ANO2: variants seen among roughly 807,000 people sequenced by gnomAD.
ANO2 encodes anoctamin-2.
A neutral mutation model predicts 124.2 loss-of-function variants in ANO2; 101 were observed. The ratio of observed to expected loss-of-function variants is 0.81; its 90% CI spans 0.69 to 0.96. The LOEUF is 0.96. Ranked by LOEUF, ANO2 falls within the 40% of genes least tolerant of loss-of-function variation. The pLI, the probability that ANO2 is intolerant of heterozygous loss-of-function variation, is 0.00. For synonymous variants in ANO2, 486 were observed against 482.5 expected (o/e 1.01, Z -0.09); for missense variants, 1,293 against 1,274.5 (o/e 1.01, Z -0.22).
intron 19 of ANO2, among the ~76,000 whole-genome samples, chr12:5,612,164 C>A (rs918242910): frequency 9.9e-5 from 15 of 152,162 alleles, no homozygotes; most frequent in African/African-American, 3.4e-4. Context: ...ATGACATTTT[C>A]ATAAAACCCT....
intron 1 of ANO2, among the ~76,000 whole-genome samples, chr12:5,937,595 C>T (rs1184868489): frequency 6.6e-6 from 1 of 151,924 alleles, no homozygotes; most frequent in African/African-American, 2.4e-5. Flanking sequence ...TTATGGTATA[C>T]TGGACATTGT....
At chr12:5,840,258 G>A (rs907737335) in intron 4 of ANO2, among the ~76,000 whole-genome samples, 1 of 151,954 alleles carries the variant, frequency 6.6e-6, no homozygotes, top group African/African-American at 2.4e-5. Context: ...TTATTCCAGG[G>A]CTCAAATGTG....
intron 14 of ANO2, among the ~76,000 whole-genome samples, chr12:5,656,431 G>A (rs945978293): frequency 6.6e-6 from 1 of 152,072 alleles, no homozygotes; most frequent in Admixed American, 6.6e-5. Context: ...CTGAAACAGA[G>A]GCATTCCCTT....
Position 5,736,465 on chromosome 12 carries a change from G to A in ANO2, c.1434+2852C>T, listed in dbSNP as rs75643800. ...CTTAAGGTTATAGAAAGCTAGACTC[G>A]CAAGCATTCCTGATACTGGGAGGTG... is the stretch of plus-strand genomic sequence containing the variant. On this transcript the variant is annotated intron_variant, in intron 13 of 24. Transcript: ENST00000682330. Among the ~76,000 whole-genome samples, 1,161 of 152,262 alleles carry A rather than the reference G, an allele frequency of 7.6e-3. 10 individuals are homozygous for A. The highest frequency in any genetic ancestry group is 0.017 in the Admixed American group (264 of 15,296).
At chr12:5,632,721 T>G (rs1945785640) in intron 16 of ANO2, among the ~76,000 whole-genome samples, 2 of 152,196 alleles carry the variant, frequency 1.3e-5, no homozygotes, top group Non-Finnish European at 2.9e-5. Flanking sequence ...AAATACTTAT[T>G]AATGAGTTTT....
chr12:5,641,268 A>C (rs1418034105), intron 15 of ANO2, among the ~76,000 whole-genome samples: 1 of 152,188 alleles, frequency 6.6e-6, no homozygotes, highest in Non-Finnish European at 1.5e-5. Flanking sequence ...AGAAATACCT[A>C]ATGTAAATGA....
rs1565783921 is a variant in ANO2, at chr12:5,923,160, GCATACACA to G, written c.23-364_23-357del. ...CACACACATGCACACATACACACAC[GCATACACA>G]CACACGCACACACACATACACACAC... On this transcript the variant is annotated intron_variant, in intron 1 of 24. Transcript: ENST00000682330. 4.5e-3 allele frequency among the ~76,000 whole-genome samples: 112 copies of G among 24,644 alleles called. 19 individuals are homozygous for G. The highest frequency in any genetic ancestry group is 0.045 in the Middle Eastern group (1 of 22). 16.2% of individuals were successfully genotyped at this position (24,644 alleles called of 152,430 possible). A position where few individuals can be genotyped will look rare whatever the true frequency, so the allele number is the denominator to read the frequency against.
intron 21 of ANO2, 114 bp from the exon 22 acceptor site, chr12:5,578,121 C>T (rs769991605): frequency 5.1e-5 from 70 of 1,364,996 alleles, no homozygotes; most frequent in Non-Finnish European, 6.6e-5. Flanking sequence ...TTTGCTGGGC[C>T]CCCCCAGAAT....
In ANO2 at chr12:5,786,066, G is replaced by A. The variant is rs1432853209; in HGVS notation, c.1055+13441C>T. 5.3e-5 allele frequency among the ~76,000 whole-genome samples: 8 copies of A among 151,616 alleles called. No homozygotes were observed. In the East Asian group the frequency reaches 1.4e-3, roughly 26 times the overall value. On this transcript the variant is annotated intron_variant, in intron 10 of 24. Coordinates refer to ENST00000682330, the MANE Select transcript of ANO2 (RefSeq NM_001364791.2). ...GGGGTGAGAGAAATCCAGGGACTTG[G>A]TTAGGGGACAGGGGGCGGTGCCCCT...
At chr12:5,602,120 A>G (rs1344955120) in intron 19 of ANO2, among the ~76,000 whole-genome samples, 1 of 152,256 alleles carries the variant, frequency 6.6e-6, no homozygotes, top group Non-Finnish European at 1.5e-5. Context: ...GAGCCAGGAA[A>G]AATCTAGATC....
At chr12:5,775,462 T>A (rs1298531001) in intron 10 of ANO2, among the ~76,000 whole-genome samples, 7 of 100,942 alleles carry the variant, frequency 6.9e-5, no homozygotes, top group African/African-American at 1.0e-4. Context: ...CCATCAATCC[T>A]TTTTTTTTTT....
intron 16 of ANO2, among the ~76,000 whole-genome samples, chr12:5,623,495 T>C (rs1945231032): frequency 6.6e-6 from 1 of 152,152 alleles, no homozygotes; most frequent in Non-Finnish European, 1.5e-5. Flanking sequence ...CTCTGCTGCA[T>C]CGTGTCATGA....
intron 10 of ANO2, among the ~76,000 whole-genome samples, chr12:5,795,733 G>A (rs1952825483): frequency 6.6e-6 from 1 of 152,166 alleles, no homozygotes; most frequent in South Asian, 2.1e-4. Context: ...AAATCAGCCT[G>A]GGAGCAGATA....
At chr12:5,616,658 C>T (rs1034099779) in intron 16 of ANO2, among the ~76,000 whole-genome samples, 1 of 152,174 alleles carries the variant, frequency 6.6e-6, no homozygotes, top group Admixed American at 6.5e-5. Context: ...AGTGTATGGG[C>T]CCCCTAACTT....
At chr12:5,651,064 G>A (rs1446396208) in intron 14 of ANO2, among the ~76,000 whole-genome samples, 2 of 152,240 alleles carry the variant, frequency 1.3e-5, no homozygotes, top group Non-Finnish European at 2.9e-5. Flanking sequence ...TTGTAAACTG[G>A]AAGGCTCATA....
chr12:5,917,408 G>C (rs1402214137), intron 3 of ANO2, among the ~76,000 whole-genome samples: 1 of 151,946 alleles, frequency 6.6e-6, no homozygotes, highest in African/African-American at 2.4e-5. Flanking sequence ...AATTTAACTA[G>C]GCATGCTGCA....
At chr12:5,666,650 CT>C (rs71445665) in intron 14 of ANO2, among the ~76,000 whole-genome samples, 25,621 of 152,176 alleles carry the variant, frequency 0.17, 2,398 homozygotes, top group Middle Eastern at 0.25. Context: ...TAGTCCACCC[CT>C]TTTTTCCCCC....
At position 5,832,480 on chromosome 12, in the gene ANO2, A is replaced by G. The variant is rs1325847566; in HGVS notation, c.757T>C (p.Tyr253His). ...TACATCTTCTCCCTGGAGAATGGGT[A>G]GGAGAGGTTTTTCATCTTGTTGTTG... ...HSNNKMKNLS[Y>H]PFSREKMYLY... The change falls in exon 5 of 25, where the codon TAC becomes CAC. Residue 253 changes from tyrosine (Y) to histidine (H), a missense_variant. Coordinates refer to ENST00000682330, the MANE Select transcript of ANO2 (RefSeq NM_001364791.2). The G allele has an allele frequency of 6.2e-7, 1 of 1,613,846 alleles. No individual in the cohort carries two copies. The highest frequency in any genetic ancestry group is 1.3e-5 in the African/African-American group (1 of 74,920).
Position 5,565,587 on chromosome 12 carries a change from C to G in ANO2, c.2698G>C (p.Ala900Pro). ...AAGATTATGACAAAAGCCAGACGGG[C>G]GGACAGAATAAACCAGTACTGTTTC... ...FSKQYWFILS[A>P]RLAFVIIFQN... Residue 900 changes from alanine to proline, a missense_variant, in exon 24 of 25, where the codon GCC (alanine) becomes CCC (proline). By Grantham distance (27) the Ala-to-Pro change is conservative (BLOSUM62 -1). Transcript: ENST00000682330. 6.2e-7 allele frequency: 1 copy of G among 1,605,028 alleles called. No individual in the cohort carries two copies. The highest frequency in any genetic ancestry group is 8.5e-7 in the Non-Finnish European group (1 of 1,175,442).
Sources: allele counts gnomAD v4.1 joint callset (sites outside exome capture counted in the v4.1 genomes callset), GRCh38; gene constraint gnomAD v4.1.1; transcripts MANE v1.5; gene names NCBI Gene and HGNC (gene_info 2026-07-23, HGNC 2026-07-21).